CCDC158: variants seen among roughly 807,000 people sequenced by gnomAD.
The protein encoded by CCDC158 is coiled-coil domain containing 158.
Under a neutral mutation model 138.6 loss-of-function variants are expected in CCDC158, and 116 were observed. That is an observed-to-expected ratio of 0.84 (90% CI 0.72 to 0.98). The LOEUF (loss-of-function observed/expected upper bound fraction) is 0.98, where lower values mean the gene tolerates loss of function less well. Ranked by LOEUF, CCDC158 falls within the 50% of genes least tolerant of loss-of-function variation. The pLI is 0.00. For synonymous variants in CCDC158, 436 were observed against 442.4 expected (o/e 0.99, Z 0.18); for missense variants, 1,265 against 1,306.1 (o/e 0.97, Z 0.48).
chr4:76,361,501 G>T (rs1249067935), intron 13 of CCDC158, among the ~76,000 whole-genome samples: 1 of 152,240 alleles, frequency 6.6e-6, no homozygotes, highest in Non-Finnish European at 1.5e-5. Context: ...GGCGGAGCTT[G>T]CAGTGAGCTG....
At chr4:76,380,631 T>C (rs1726143413) in intron 8 of CCDC158, among the ~76,000 whole-genome samples, 1 of 152,238 alleles carries the variant, frequency 6.6e-6, no homozygotes, top group Non-Finnish European at 1.5e-5. Flanking sequence ...TTGGAAAATT[T>C]GCAGCCTGAC....
chr4:76,385,398 G>A (rs28678597), intron 4 of CCDC158, among the ~76,000 whole-genome samples: 4,042 of 152,088 alleles, frequency 0.027, 177 homozygotes, highest in African/African-American at 0.092. Context: ...AAAGAAGAAC[G>A]CTTCAAAAAC....
At chr4:76,403,029 G>T in intron 3 of CCDC158, 109 bp downstream of exon 3, 1 of 712,934 alleles carries the variant, frequency 1.4e-6, no homozygotes. Context: ...TCATGATCAT[G>T]GTCTGTAACC....
chr4:76,325,735 G>T (rs1482712645), intron 23 of CCDC158, 122 bp downstream of exon 23: 3 of 714,718 alleles, frequency 4.2e-6, no homozygotes, highest in African/African-American at 3.6e-5. Flanking sequence ...AAATTACACA[G>T]AATCAGTTAG....
At chr4:76,357,116 C>A (rs1723646115) in intron 14 of CCDC158, among the ~76,000 whole-genome samples, 4 of 152,160 alleles carry the variant, frequency 2.6e-5, no homozygotes, top group Admixed American at 6.5e-5. Context: ...ATACTGAGAT[C>A]TGTTAGAAAT....
intron 12 of CCDC158, among the ~76,000 whole-genome samples, chr4:76,364,944 C>G (rs1159276433): frequency 6.6e-6 from 1 of 152,224 alleles, no homozygotes; most frequent in Non-Finnish European, 1.5e-5. Context: ...TCTGGGCTAT[C>G]TGATCTCTGC....
At position 76,384,643 on chromosome 4, in the gene CCDC158, T is replaced by C; in HGVS notation, c.311A>G (p.Gln104Arg). ...GACTGACTGCCTCAAATAAAACTTTTGTTTCTCATGCAATTCATTGCTCTG... is the reference window on the plus strand; with the variant it reads ...GACTGACTGCCTCAAATAAAACTTTCGTTTCTCATGCAATTCATTGCTCTG... ...LNESNELHEK[Q>R]KFYLRQSVID... Residue 104 changes from glutamine to arginine, a missense_variant, in exon 5 of 25, where the codon CAA becomes CGA. Transcript: ENST00000682701. The C allele has an allele frequency of 6.2e-7, 1 of 1,613,146 alleles. No individual in the cohort carries two copies. Among genetic ancestry groups the C allele is most frequent in the Non-Finnish European group, 8.5e-7 (1 of 1,179,664 alleles).
At chr4:76,391,704 A>C (rs954249696) in intron 4 of CCDC158, among the ~76,000 whole-genome samples, 3 of 151,904 alleles carry the variant, frequency 2.0e-5, no homozygotes, top group Non-Finnish European at 4.4e-5. Flanking sequence ...AAATGAAAAA[A>C]ATACAAAAGA....
Position 76,357,554 on chromosome 4 carries a change from T to C in CCDC158, c.2021-28A>G, listed in dbSNP as rs771857156. ...ATACAATGTGATAATCAATAATAGA[T>C]GGTTACTTTTTTCTATCCCATTGTT... is the stretch of plus-strand genomic sequence containing the variant. On this transcript the variant is annotated intron_variant, in intron 13 of 24. Coordinates refer to ENST00000682701, the MANE Select transcript of CCDC158 (RefSeq NM_001394954.1). 5.0e-6 allele frequency: 7 copies of C among 1,391,678 alleles called. No homozygotes were observed. In the South Asian group the frequency reaches 9.6e-5, roughly 19 times the overall value. 86.2% of individuals were successfully genotyped at this position (1,391,678 alleles called of 1,614,324 possible). A position where few individuals can be genotyped will look rare whatever the true frequency, so the allele number is the denominator to read the frequency against.
intron 1 of CCDC158, among the ~76,000 whole-genome samples, chr4:76,417,483 G>A (rs2109933018): frequency 6.6e-6 from 1 of 152,202 alleles, no homozygotes; most frequent in South Asian, 2.1e-4. Context: ...GAATGATATG[G>A]TTTGCCTGTG....
chr4:76,366,386 C>A (rs1724660951), intron 12 of CCDC158, among the ~76,000 whole-genome samples: 1 of 152,124 alleles, frequency 6.6e-6, no homozygotes, highest in Non-Finnish European at 1.5e-5. Context: ...GAAGCATCTA[C>A]AGTATATGTG....
In CCDC158 at chr4:76,357,387, T is replaced by C. The variant is rs781302310; in HGVS notation, c.2160A>G (p.Gly720=). 2 of 1,573,824 alleles carry C rather than the reference T, an allele frequency of 1.3e-6. No homozygotes were observed. The highest frequency in any genetic ancestry group is 1.7e-6 in the Non-Finnish European group (2 of 1,163,962). ...AACAGAGCATACCATGACCATCAGA[T>C]CCTTCCATTGACTTTAATGTATTTC... ...QTRNTLKSME[G]SDGHAMKVAM... Residue 720 remains glycine (G), a synonymous_variant, in exon 14 of 25, where the codon GGA becomes GGG. Transcript: ENST00000682701.
intron 9 of CCDC158, among the ~76,000 whole-genome samples, chr4:76,373,011 G>A (rs1053276288): frequency 2.6e-4 from 40 of 152,284 alleles, no homozygotes; most frequent in African/African-American, 9.4e-4. Flanking sequence ...ACCATGGCCA[G>A]CTAATTTTTG....
chr4:76,352,999 A>G, intron 16 of CCDC158, 124 bp downstream of exon 16: 2 of 727,454 alleles, frequency 2.7e-6, no homozygotes, highest in Middle Eastern at 2.6e-4. Flanking sequence ...GTGCTAGGTG[A>G]TTGGGATACA....
At chr4:76,381,345 C>T (rs1373194534) in intron 8 of CCDC158, among the ~76,000 whole-genome samples, 2 of 152,216 alleles carry the variant, frequency 1.3e-5, no homozygotes, top group East Asian at 3.9e-4. Context: ...CTGCCCAACG[C>T]CTTGGGAGCC....
intron 9 of CCDC158, among the ~76,000 whole-genome samples, 184 bp downstream of exon 9, chr4:76,379,106 A>G (rs1236397373): frequency 6.6e-6 from 1 of 152,206 alleles, no homozygotes. Context: ...CAGAGTACAC[A>G]ATTTAAATAA....
intron 14 of CCDC158, among the ~76,000 whole-genome samples, chr4:76,356,318 G>T (rs1723557983): frequency 6.6e-6 from 1 of 151,826 alleles, no homozygotes; most frequent in African/African-American, 2.4e-5. Context: ...GAAGAATTAT[G>T]GTCTGATTAA....
rs1318148760 is a variant in CCDC158, at chr4:76,313,231, AT to A, written c.3292del (p.Ile1098SerfsTer11). ...CTGTATCCTCTTTTCTTGATTTCTGATCATTGAAGACATTGCTGAAAATGTT... is the reference window on the plus strand; with the variant it reads ...CTGTATCCTCTTTTCTTGATTTCTGACATTGAAGACATTGCTGAAAATGTT... ...QLKNQAMSSM[I>X]RNQEKRIQKV... On this transcript the variant is annotated frameshift_variant, in exon 25 of 25. Coordinates refer to ENST00000682701, the MANE Select transcript of CCDC158 (RefSeq NM_001394954.1). LOFTEE classifies it high-confidence loss of function. 17 of 1,603,334 alleles carry A rather than the reference AT, an allele frequency of 1.1e-5. No homozygotes were observed. The African/African-American group carries it at 1.6e-4, about 15-fold the overall frequency.
chr4:76,416,234 G>C (rs1432648882), intron 1 of CCDC158, among the ~76,000 whole-genome samples: 1 of 152,118 alleles, frequency 6.6e-6, no homozygotes, highest in East Asian at 1.9e-4. Context: ...TATCATTGGA[G>C]ATGGCTCACA....
Sources: allele counts gnomAD v4.1 joint callset (sites outside exome capture counted in the v4.1 genomes callset), GRCh38; gene constraint gnomAD v4.1.1; transcripts MANE v1.5; gene names NCBI Gene and HGNC (gene_info 2026-07-23, HGNC 2026-07-21).